GPC5: variants seen among roughly 807,000 people sequenced by gnomAD.
The protein encoded by GPC5 is glypican-5.
GPC5 carries 47 observed loss-of-function variants against 53.9 expected under a neutral mutation model. The observed-to-expected ratio is 0.87, with a 90% CI of 0.69 to 1.11. GPC5 has a LOEUF of 1.11. GPC5 is among the 50% of genes most tolerant of loss of function. The probability of loss-of-function intolerance (pLI) is 0.00; values close to 1 mark genes in which losing one functional copy is unlikely to be tolerated. For synonymous variants in GPC5, 286 were observed against 263.3 expected (o/e 1.09, Z -0.84); for missense variants, 748 against 713.1 (o/e 1.05, Z -0.56).
At chr13:91,599,515 C>A (rs1157775831) in intron 2 of GPC5, among the ~76,000 whole-genome samples, 1 of 151,904 alleles carries the variant, frequency 6.6e-6, no homozygotes, top group Non-Finnish European at 1.5e-5. Context: ...AGAGTCCAGT[C>A]CATAGAAACT....
intron 2 of GPC5, among the ~76,000 whole-genome samples, chr13:91,577,927 C>T (rs1286180390): frequency 6.6e-6 from 1 of 152,178 alleles, no homozygotes; most frequent in African/African-American, 2.4e-5. Context: ...ATGAGCTGGA[C>T]TTAGTAACTT....
At chr13:91,729,065 A>G (rs544407381) in intron 4 of GPC5, among the ~76,000 whole-genome samples, 16 of 152,342 alleles carry the variant, frequency 1.1e-4, no homozygotes, top group Admixed American at 3.9e-4. Context: ...ATTGTATTGG[A>G]CAGTGAAAGA....
At chr13:92,739,707 TAA>T (rs912978214) in intron 7 of GPC5, among the ~76,000 whole-genome samples, 2 of 127,236 alleles carry the variant, frequency 1.6e-5, no homozygotes, top group South Asian at 5.1e-4. Context: ...ACTCCCATCT[TAA>T]AAAAAAAAAG....
intron 7 of GPC5, among the ~76,000 whole-genome samples, chr13:92,459,144 A>G (rs1005080840): frequency 9.9e-5 from 15 of 152,136 alleles, no homozygotes; most frequent in African/African-American, 3.6e-4. Context: ...AACAGATTTG[A>G]TTTTAGCATC....
intron 7 of GPC5, among the ~76,000 whole-genome samples, chr13:92,733,279 G>A (rs571190680): frequency 6.6e-5 from 10 of 151,842 alleles, no homozygotes; most frequent in Admixed American, 2.0e-4. Flanking sequence ...TTTAGAACCT[G>A]AATATGCAAA....
At position 91,699,078 on chromosome 13, in the gene GPC5, G is replaced by A. The variant is rs189637017; in HGVS notation, c.1020+5197G>A. ...GATACCAGAGTTGGTTCCTAGAGAG[G>A]TTCAAACATGGATGAAATTATTTTG... On this transcript the variant is annotated intron_variant, in intron 3 of 7. Transcript: ENST00000377067. Among the ~76,000 whole-genome samples the A allele has an allele frequency of 6.0e-4, 91 of 152,248 alleles. 1 individual carries two copies. The highest frequency in any genetic ancestry group is 3.6e-3 in the Admixed American group (55 of 15,286).
chr13:92,535,651 T>A (rs912781685), intron 7 of GPC5, among the ~76,000 whole-genome samples: 1 of 140,940 alleles, frequency 7.1e-6, no homozygotes, highest in Non-Finnish European at 1.5e-5. Context: ...ACTAGAATAG[T>A]CCATTTCTAT....
At chr13:91,497,072 TG>T (rs1465814060) in intron 2 of GPC5, among the ~76,000 whole-genome samples, 6 of 151,888 alleles carry the variant, frequency 4.0e-5, no homozygotes. Flanking sequence ...TCCTCTAAGT[TG>T]TTTTTTTTTA....
intron 5 of GPC5, among the ~76,000 whole-genome samples, chr13:91,870,665 G>A (rs1172939962): frequency 6.6e-6 from 1 of 152,100 alleles, no homozygotes; most frequent in Non-Finnish European, 1.5e-5. Context: ...GGAGAACTAT[G>A]TAATAAAAAT....
intron 6 of GPC5, among the ~76,000 whole-genome samples, chr13:92,003,585 C>T (rs1355692329): frequency 6.6e-6 from 1 of 151,972 alleles, no homozygotes; most frequent in Non-Finnish European, 1.5e-5. Flanking sequence ...TCTAGTAAGG[C>T]TAAATTGTAC....
At chr13:91,554,148 C>T (rs1270769520) in intron 2 of GPC5, among the ~76,000 whole-genome samples, 1 of 151,916 alleles carries the variant, frequency 6.6e-6, no homozygotes, top group African/African-American at 2.4e-5. Flanking sequence ...TAGAGCTTGA[C>T]AATGATTTTA....
chr13:92,727,943 G>A (rs1277397616), intron 7 of GPC5, among the ~76,000 whole-genome samples: 1 of 151,318 alleles, frequency 6.6e-6, no homozygotes, highest in Non-Finnish European at 1.5e-5. Flanking sequence ...ACATAAAAAT[G>A]TGTATGCTTT....
intron 7 of GPC5, among the ~76,000 whole-genome samples, chr13:92,690,820 CCT>C: frequency 1.4e-4 from 9 of 65,882 alleles, no homozygotes; most frequent in African/African-American, 4.8e-4. Context: ...GTTGGAATAC[CCT>C]GCCGTGTGAG....
intron 5 of GPC5, among the ~76,000 whole-genome samples, chr13:91,851,108 G>T (rs1566303288): frequency 6.6e-6 from 1 of 152,080 alleles, no homozygotes; most frequent in Admixed American, 6.6e-5. Context: ...AATCAGAGAG[G>T]TGAGGTCTGA....
chr13:91,528,905 C>A (rs992930342), intron 2 of GPC5, among the ~76,000 whole-genome samples: 1 of 152,174 alleles, frequency 6.6e-6, no homozygotes, highest in African/African-American at 2.4e-5. Context: ...CCCTTACTAT[C>A]ATGAGGACAG....
intron 7 of GPC5, among the ~76,000 whole-genome samples, chr13:92,321,299 A>G (rs1193268781): frequency 2.0e-5 from 3 of 152,242 alleles, no homozygotes; most frequent in Non-Finnish European, 4.4e-5. Flanking sequence ...AGATGAGTCT[A>G]AAATAGAATT....
chr13:91,738,483 G>A (rs1029134258), intron 4 of GPC5, among the ~76,000 whole-genome samples: 9 of 151,132 alleles, frequency 6.0e-5, no homozygotes, highest in African/African-American at 2.2e-4. Flanking sequence ...TTTATCATTG[G>A]AATATTTAAT....
At chr13:92,360,566 A>G (rs2043557629) in intron 7 of GPC5, among the ~76,000 whole-genome samples, 1 of 149,662 alleles carries the variant, frequency 6.7e-6, no homozygotes, top group Non-Finnish European at 1.5e-5. Flanking sequence ...AAAAACTGGC[A>G]CAAAACAAGG....
intron 1 of GPC5, among the ~76,000 whole-genome samples, chr13:91,415,918 A>C (rs1354100867): frequency 6.6e-6 from 1 of 151,956 alleles, no homozygotes; most frequent in Non-Finnish European, 1.5e-5. Flanking sequence ...TATCACATTA[A>C]TTTTTTTTAC....
Sources: gnomAD v4.1 joint callset for allele counts (sites outside exome capture counted in the v4.1 genomes callset) on GRCh38, gnomAD v4.1.1 for gene constraint, MANE v1.5 for transcripts, NCBI Gene and HGNC (gene_info 2026-07-23, HGNC 2026-07-21) for gene names.